Variants in DHX34 observed in about 807,000 individuals in gnomAD.
DHX34 encodes DExH-box helicase 34.
In DHX34, 96 loss-of-function variants were observed where a neutral mutation model predicts 111.1. That is an observed-to-expected ratio of 0.86 (90% confidence interval 0.73 to 1.02). The LOEUF (loss-of-function observed/expected upper bound fraction) is 1.02. DHX34 is among the 50% of genes least tolerant of loss of function. The pLI, the probability that DHX34 is intolerant of heterozygous loss-of-function variation, is 0.00. For synonymous variants in DHX34, 688 were observed against 670.4 expected, an observed-to-expected ratio of 1.03 and a Z score of -0.41; for missense variants, 1,560 against 1,579.9, an observed-to-expected ratio of 0.99 and a Z score of 0.21.
At chr19:47,351,171 C>CTTTTTTTTTTTTTT (rs955543104) in intron 1 of DHX34, among the ~76,000 whole-genome samples, 74 of 93,094 alleles carry the variant, frequency 7.9e-4, no homozygotes, top group Non-Finnish European at 1.0e-3. Flanking sequence ...TTTTCTTTTT[C>CTTTTTTTTTTTTTT]TTTTTTTTTT....
At chr19:47,380,046 T>C (rs988270483) in intron 14 of DHX34, 61 bp downstream of exon 14, 2 of 1,508,850 alleles carry the variant, frequency 1.3e-6, no homozygotes, top group Non-Finnish European at 1.8e-6. Context: ...GTCACTGGGC[T>C]TGAGCCTCGG....
In DHX34 at chr19:47,379,826, G is replaced by A. The variant is rs376254507; in HGVS notation, c.2823G>A (p.Ala941=). 4.6e-5 allele frequency: 74 copies of A among 1,613,710 alleles called. 1 individual carries two copies. Among genetic ancestry groups the A allele is most frequent in the Middle Eastern group, 1.7e-4 (1 of 6,038 alleles). Residue 941 remains alanine (A), a synonymous_variant, in exon 14 of 17, where the codon GCG becomes GCA. Coordinates refer to ENST00000328771, the MANE Select transcript of DHX34 (RefSeq NM_014681.6). ...GTGAAAGTGCCATCCGACTCCTGGC[G>A]GCTTCCCTGCGGCTCCGTGCCCGCT... ...ADSESAIRLL[A]ASLRLRARWE...
At chr19:47,377,825 C>T (rs1238362835) in intron 13 of DHX34, among the ~76,000 whole-genome samples, 2 of 152,002 alleles carry the variant, frequency 1.3e-5, no homozygotes, top group African/African-American at 4.8e-5. Flanking sequence ...GAGGGTGCTG[C>T]CCCGGTGGAG....
chr19:47,381,125 G>C (rs1183434744), intron 15 of DHX34, 61 bp from the exon 16 acceptor site: 6 of 1,601,400 alleles, frequency 3.7e-6, no homozygotes, highest in Non-Finnish European at 5.1e-6. Flanking sequence ...GTCCCGGGGG[G>C]GCACTTGGGT....
Position 47,362,629 on chromosome 19 carries a change from A to G in DHX34, c.1529A>G (p.Asp510Gly). 6.2e-7 allele frequency: 1 copy of G among 1,613,764 alleles called. No homozygotes were observed. The change falls in exon 6 of 17, where the codon GAT becomes GGT. Residue 510 changes from aspartate to glycine, a missense_variant. Coordinates refer to ENST00000328771, the MANE Select transcript of DHX34 (RefSeq NM_014681.6). ...CGCCTCTATGCCGAATCGGACTATG[A>G]TGCCTTCGCCCCCTACCCCGTCCCA... ...CFRLYAESDY[D>G]AFAPYPVPEI...
Position 47,376,142 on chromosome 19 carries a change from C to T in DHX34, c.2481+45C>T, listed in dbSNP as rs554350612. 1.9e-5 allele frequency: 29 copies of T among 1,520,778 alleles called. No homozygotes were observed. In the South Asian group the frequency reaches 2.2e-4, roughly 12 times the overall value. 94.2% of individuals were successfully genotyped at this position (1,520,778 alleles called of 1,614,324 possible). A position where few individuals can be genotyped will look rare whatever the true frequency, so the allele number is the denominator to read the frequency against. On this transcript the variant is annotated intron_variant, in intron 11 of 16. Coordinates refer to ENST00000328771, the MANE Select transcript of DHX34 (RefSeq NM_014681.6). ...ATCCTATGTTTTGTCCTCCAACACA[C>T]GAACCCTGAGTGCCTGTCCTGTGCC...
chr19:47,362,578 G>A lies in DHX34; in HGVS notation c.1478G>A (p.Gly493Asp). 6.2e-7 allele frequency: 1 copy of A among 1,613,576 alleles called. No individual in the cohort carries two copies. The highest frequency in any genetic ancestry group is 8.5e-7 in the Non-Finnish European group (1 of 1,179,872). ...ASAEQRKGRA[G>D]RTGPGVCFRL... is the part of the protein sequence containing the mutation. The stretch of plus-strand genomic sequence containing the variant: ...GCAGAGCAGCGGAAGGGCCGGGCGG[G>A]CCGCACGGGCCCCGGAGTCTGCTTC... Residue 493 changes from glycine to aspartate, a missense_variant, in exon 6 of 17, where the codon GGC (glycine) becomes GAC (aspartate). Gly to Asp is a moderately conservative substitution (Grantham distance 94, BLOSUM62 -1). Coordinates refer to ENST00000328771, the MANE Select transcript of DHX34 (RefSeq NM_014681.6).
intron 9 of DHX34, chr19:47,375,244 C>T (rs527825120): frequency 3.0e-4 from 289 of 978,118 alleles, no homozygotes; most frequent in Non-Finnish European, 3.4e-4. Flanking sequence ...ACTGGACGCC[C>T]GCACCTGCCT....
intron 13 of DHX34, chr19:47,379,445 T>G: frequency 1.1e-5 from 3 of 262,198 alleles, no homozygotes; most frequent in Non-Finnish European, 1.8e-5. Context: ...CCACCCTGCC[T>G]GAGAATGCAG....
chr19:47,370,438 AC>A (rs1428114271), intron 7 of DHX34, among the ~76,000 whole-genome samples: 1 of 151,948 alleles, frequency 6.6e-6, no homozygotes. Flanking sequence ...AGTCATGCTC[AC>A]CCCTCCCGGG....
At chr19:47,355,457 T>G in intron 3 of DHX34, 107 bp downstream of exon 3, 1 of 1,463,094 alleles carries the variant, frequency 6.8e-7, no homozygotes. Flanking sequence ...CTCTTTCATT[T>G]AAAGATGTTC....
At chr19:47,373,313 T>C (rs2547382) in intron 8 of DHX34, among the ~76,000 whole-genome samples, 16,484 of 152,066 alleles carry the variant, frequency 0.11, 1,324 homozygotes, top group African/African-American at 0.22. Flanking sequence ...CCTCCCGGGG[T>C]TCACAGCCCA....
chr19:47,359,882 C>T, intron 4 of DHX34, 86 bp from the exon 5 acceptor site: 3 of 1,598,934 alleles, frequency 1.9e-6, no homozygotes, highest in Admixed American at 3.4e-5. Flanking sequence ...AGGGAAGCTG[C>T]TGACACGGGG....
chr19:47,378,667 C>A (rs868723250), intron 13 of DHX34, among the ~76,000 whole-genome samples: 3 of 151,838 alleles, frequency 2.0e-5, no homozygotes, highest in Non-Finnish European at 4.4e-5. Flanking sequence ...CTATCTATCT[C>A]TACAAAAAAT....
At chr19:47,369,542 C>G (rs1292132815) in intron 7 of DHX34, among the ~76,000 whole-genome samples, 1 of 152,218 alleles carries the variant, frequency 6.6e-6, no homozygotes, top group Non-Finnish European at 1.5e-5. Context: ...CCTCACGGAG[C>G]TCACATGTAA....
rs570288540 is a variant in DHX34, at chr19:47,364,762, AG to A, written c.1593+2071del. Among the ~76,000 whole-genome samples, 6 of 152,228 alleles carry A rather than the reference AG, an allele frequency of 3.9e-5. No homozygotes were observed. In the South Asian group the frequency reaches 1.2e-3, roughly 32 times the overall value. ...CATAAAAAAACAAAGTCCATGGGGT[AG>A]GTAGTCTTACCCTAATTTTTGGACC... On this transcript the variant is annotated intron_variant, in intron 6 of 16. Coordinates refer to ENST00000328771, the MANE Select transcript of DHX34 (RefSeq NM_014681.6).
intron 13 of DHX34, 79 bp downstream of exon 13, chr19:47,377,285 T>G (rs1419438764): frequency 6.8e-7 from 1 of 1,477,820 alleles, no homozygotes; most frequent in East Asian, 2.5e-5. Flanking sequence ...GGGCACCGCG[T>G]GGGCTTGGAG....
intron 6 of DHX34, among the ~76,000 whole-genome samples, chr19:47,363,624 C>T (rs1415057106): frequency 6.6e-6 from 1 of 152,134 alleles, no homozygotes; most frequent in East Asian, 1.9e-4. Context: ...TTGAGACCAG[C>T]ATGACCAACA....
chr19:47,361,466 AGAG>A (rs1039066356), intron 5 of DHX34, among the ~76,000 whole-genome samples: 89 of 149,518 alleles, frequency 6.0e-4, no homozygotes, highest in African/African-American at 2.2e-3. Flanking sequence ...TAAAAAAAAA[AGAG>A]AGAGAGAGAA....
Sources: allele counts gnomAD v4.1 joint callset (sites outside exome capture counted in the v4.1 genomes callset), GRCh38; gene constraint gnomAD v4.1.1; transcripts MANE v1.5; gene names NCBI Gene and HGNC (gene_info 2026-07-23, HGNC 2026-07-21).